AUTS2: variants seen among roughly 807,000 people sequenced by gnomAD.
The protein encoded by AUTS2 is autism susceptibility gene 2 protein.
Under a neutral mutation model 112.4 loss-of-function variants are expected in AUTS2, and 17 were observed. The observed-to-expected ratio is 0.15, with a 90% CI of 0.10 to 0.23. AUTS2 has a LOEUF of 0.23. Ranked by LOEUF, AUTS2 falls within the 10% of genes least tolerant of loss-of-function variation. The pLI is 1.00. For synonymous variants in AUTS2, 751 were observed against 702.7 expected (o/e 1.07, Z -1.09); for missense variants, 1,510 against 1,701.6 (o/e 0.89, Z 1.98).
chr7:70,010,202 G>A (rs1310956625), intron 2 of AUTS2, among the ~76,000 whole-genome samples: 4 of 152,038 alleles, frequency 2.6e-5, no homozygotes, highest in African/African-American at 4.8e-5. Context: ...CTGGAGTGCA[G>A]TAGTGTGGTC....
intron 1 of AUTS2, among the ~76,000 whole-genome samples, chr7:69,753,634 A>G (rs1416401010): frequency 2.0e-5 from 3 of 152,220 alleles, no homozygotes; most frequent in Non-Finnish European, 4.4e-5. Context: ...GTGTCAGGAA[A>G]GTCCAAAACT....
In AUTS2 at chr7:70,056,176, C is replaced by T. The variant is rs577151815; in HGVS notation, c.523-61956C>T. Among the ~76,000 whole-genome samples the T allele has an allele frequency of 6.6e-5, 10 of 151,892 alleles. No individual in the cohort carries two copies. The East Asian group carries it at 9.7e-4, about 15-fold the overall frequency. On this transcript the variant is annotated intron_variant, in intron 2 of 18. Coordinates refer to ENST00000342771, the MANE Select transcript of AUTS2 (RefSeq NM_015570.4). ...CTAATTTTTGTATTTTTAGTAGAGA[C>T]GGGGTTTCATGTTAGCCAGGCTGGT...
intron 5 of AUTS2, among the ~76,000 whole-genome samples, chr7:70,502,362 A>T (rs1798802699): frequency 6.6e-6 from 1 of 152,222 alleles, no homozygotes; most frequent in Non-Finnish European, 1.5e-5. Context: ...CAAATGGAAG[A>T]TGTTACACTT....
chr7:70,055,622 G>T (rs1332471544), intron 2 of AUTS2, among the ~76,000 whole-genome samples: 1 of 152,198 alleles, frequency 6.6e-6, no homozygotes, highest in African/African-American at 2.4e-5. Context: ...GCAGTGGTCA[G>T]TCACTTAACT....
chr7:69,665,984 T>C (rs887370370), intron 1 of AUTS2, among the ~76,000 whole-genome samples: 1 of 152,216 alleles, frequency 6.6e-6, no homozygotes, highest in African/African-American at 2.4e-5. Flanking sequence ...GCTATGTCCT[T>C]GGTAAATGGA....
intron 2 of AUTS2, among the ~76,000 whole-genome samples, chr7:69,907,724 CT>C (rs1337539434): frequency 6.6e-6 from 1 of 152,168 alleles, no homozygotes; most frequent in Non-Finnish European, 1.5e-5. Flanking sequence ...TTACATATAA[CT>C]TTGTTTCTTG....
chr7:70,771,501 T>C (rs1263800639), intron 10 of AUTS2, 48 bp from the exon 11 acceptor site: 2 of 1,496,206 alleles, frequency 1.3e-6, no homozygotes, highest in Non-Finnish European at 1.8e-6. Flanking sequence ...AATATGTCAC[T>C]TGCCTCCTAC....
At position 70,624,315 on chromosome 7, in the gene AUTS2, GAACTCCAGAGTTC is replaced by G. The variant is rs1317803076; in HGVS notation, c.691-74248_691-74236del. 2.0e-5 allele frequency among the ~76,000 whole-genome samples: 3 copies of G among 152,074 alleles called. No individual in the cohort carries two copies. The East Asian group carries it at 5.8e-4, about 29-fold the overall frequency. On this transcript the variant is annotated intron_variant, in intron 5 of 18. Transcript: ENST00000342771. Reference sequence around the variant, plus strand: ...TTTTACATTTTGCCCCATCTGCCCAGAACTCCAGAGTTCAACTCAGCACTCATTTATATTGACT... The same window carrying G: ...TTTTACATTTTGCCCCATCTGCCCAGAACTCAGCACTCATTTATATTGACT...
chr7:69,809,481 A>T (rs1227416979), intron 1 of AUTS2, among the ~76,000 whole-genome samples: 1 of 152,198 alleles, frequency 6.6e-6, no homozygotes, highest in Non-Finnish European at 1.5e-5. Context: ...CGGAGGAAAC[A>T]TGTTATGGAA....
At chr7:69,824,408 CAAA>C (rs142164177) in intron 1 of AUTS2, among the ~76,000 whole-genome samples, 1 of 131,732 alleles carries the variant, frequency 7.6e-6, no homozygotes, top group African/African-American at 2.8e-5. Context: ...GATTCTGTCT[CAAA>C]AAAAAAAAAA....
At chr7:69,872,327 C>G (rs973106325) in intron 1 of AUTS2, among the ~76,000 whole-genome samples, 2 of 152,200 alleles carry the variant, frequency 1.3e-5, no homozygotes, top group East Asian at 3.9e-4. Context: ...GAACATCAAT[C>G]CATTGTGCCT....
chr7:70,637,132 C>G (rs1585415631), intron 5 of AUTS2, among the ~76,000 whole-genome samples: 1 of 152,176 alleles, frequency 6.6e-6, no homozygotes, highest in African/African-American at 2.4e-5. Context: ...GACATTTAGC[C>G]TGGTTCAGCC....
chr7:70,507,559 G>C (rs575663302), intron 5 of AUTS2, among the ~76,000 whole-genome samples: 7 of 152,220 alleles, frequency 4.6e-5, no homozygotes, highest in African/African-American at 1.7e-4. Context: ...CACTTTGGGA[G>C]ACTGAGGTGG....
chr7:70,531,797 G>A (rs188016678), intron 5 of AUTS2, among the ~76,000 whole-genome samples: 18 of 152,202 alleles, frequency 1.2e-4, no homozygotes, highest in Non-Finnish European at 7.4e-5. Context: ...CCATATCAAG[G>A]ATGAAAGGAG....
intron 2 of AUTS2, among the ~76,000 whole-genome samples, chr7:70,080,776 A>G (rs949478875): frequency 2.0e-5 from 3 of 152,158 alleles, no homozygotes; most frequent in African/African-American, 7.2e-5. Context: ...GCACTATAGG[A>G]AGGAAACCTT....
At chr7:70,520,515 C>A (rs11772783) in intron 5 of AUTS2, among the ~76,000 whole-genome samples, 35,938 of 152,140 alleles carry the variant, frequency 0.24, 4,376 homozygotes, top group Middle Eastern at 0.35. Context: ...CATCCAGGTC[C>A]CACCTTTAGA....
intron 16 of AUTS2, among the ~76,000 whole-genome samples, 196 bp downstream of exon 16, chr7:70,785,215 A>G (rs761317063): frequency 4.6e-5 from 7 of 152,212 alleles, no homozygotes; most frequent in Non-Finnish European, 8.8e-5. Flanking sequence ...CTTACACCGC[A>G]TTCTTTCGGT....
chr7:69,773,072 A>T (rs1355009909), intron 1 of AUTS2, among the ~76,000 whole-genome samples: 1 of 152,128 alleles, frequency 6.6e-6, no homozygotes, highest in Non-Finnish European at 1.5e-5. Context: ...TCCCAGACCT[A>T]CTATTTATTT....
intron 2 of AUTS2, among the ~76,000 whole-genome samples, chr7:70,092,009 G>A (rs1205406824): frequency 1.3e-5 from 2 of 151,614 alleles, no homozygotes; most frequent in Admixed American, 6.6e-5. Flanking sequence ...CTATAGCAAA[G>A]TTTGACAGGC....
Sources: gnomAD v4.1 joint callset for allele counts (sites outside exome capture counted in the v4.1 genomes callset) on GRCh38, gnomAD v4.1.1 for gene constraint, MANE v1.5 for transcripts, NCBI Gene and HGNC (gene_info 2026-07-23, HGNC 2026-07-21) for gene names.